Variants in RIMS2 observed in about 807,000 individuals in gnomAD.
RIMS2 encodes the protein regulating synaptic membrane exocytosis protein 2.
In RIMS2, 59 loss-of-function variants were observed where a neutral mutation model predicts 174.4. The ratio of observed to expected loss-of-function variants is 0.34; its 90% CI spans 0.27 to 0.42. The LOEUF (loss-of-function observed/expected upper bound fraction) is 0.42, where lower values mean the gene tolerates loss of function less well. Ranked by LOEUF, RIMS2 falls within the 10% of genes least tolerant of loss-of-function variation. The pLI is 1.00. For synonymous variants in RIMS2, 606 were observed against 572.5 expected (o/e 1.06, Z -0.84); for missense variants, 1,620 against 1,666.3 (o/e 0.97, Z 0.48).
rs186969419 is a variant in RIMS2 at position 104,145,404 on chromosome 8, G to A, written c.3335-99512G>A. Among the ~76,000 whole-genome samples, 494 of 151,810 alleles carry A rather than the reference G, an allele frequency of 3.3e-3. 4 individuals are homozygous for A. The highest frequency in any genetic ancestry group is 0.011 in the African/African-American group (454 of 41,398). ...TACTAATGTAATACGTCTTTTCCTA[G>A]CCACATTGAGCATTTTAAAATATTG... On this transcript the variant is annotated intron_variant, in intron 19 of 23. Coordinates refer to ENST00000504942, the Ensembl canonical transcript of RIMS2.
At chr8:103,931,447 T>C (rs2079913399) in intron 12 of RIMS2, 54 bp downstream of exon 14, 1 of 1,234,168 alleles carries the variant, frequency 8.1e-7, no homozygotes, top group Non-Finnish European at 1.1e-6. Flanking sequence ...AAAATGTTCA[T>C]AGCAATGGGT....
At chr8:104,241,011 C>A (rs2139831928) in intron 19 of RIMS2, among the ~76,000 whole-genome samples, 1 of 152,178 alleles carries the variant, frequency 6.6e-6, no homozygotes, top group South Asian at 2.1e-4. Context: ...GTAACTTGCT[C>A]AGTGTCATCC....
intron 3 of RIMS2, among the ~76,000 whole-genome samples, chr8:103,795,161 A>T (rs1412971301): frequency 6.6e-6 from 1 of 152,226 alleles, no homozygotes; most frequent in Non-Finnish European, 1.5e-5. Context: ...CACTATTCAC[A>T]ATAGCAAAGA....
intron 19 of RIMS2, among the ~76,000 whole-genome samples, chr8:104,106,925 G>A (rs1036182951): frequency 2.0e-5 from 3 of 152,008 alleles, no homozygotes; most frequent in African/African-American, 7.3e-5. Flanking sequence ...ATTGTTAGAT[G>A]CCATAACATC....
chr8:104,188,031 C>A (rs1046589437), intron 19 of RIMS2, among the ~76,000 whole-genome samples: 6 of 151,616 alleles, frequency 4.0e-5, no homozygotes, highest in Non-Finnish European at 8.9e-5. Flanking sequence ...GCAGATATAA[C>A]ATAGGAGATG....
intron 19 of RIMS2, among the ~76,000 whole-genome samples, chr8:104,146,319 C>T (rs1266047198): frequency 1.3e-5 from 2 of 151,340 alleles, no homozygotes; most frequent in Non-Finnish European, 2.9e-5. Context: ...TTCGAGGTTA[C>T]GATGAGCTAT....
intron 1 of RIMS2, among the ~76,000 whole-genome samples, chr8:103,643,269 TAG>T (rs1360640399): frequency 2.6e-5 from 4 of 152,118 alleles, no homozygotes; most frequent in South Asian, 4.1e-4. Flanking sequence ...GATTCACTCG[TAG>T]AGTTTCCCTC....
intron 19 of RIMS2, chr8:104,148,719 C>A: frequency 3.8e-6 from 6 of 1,598,346 alleles, no homozygotes; most frequent in Non-Finnish European, 5.1e-6. Context: ...TGATGGCAGC[C>A]AGTCTGACAC....
chr8:103,768,733 G>C (rs1035670626), intron 3 of RIMS2: 2 of 765,374 alleles, frequency 2.6e-6, no homozygotes, highest in Non-Finnish European at 4.9e-6. Context: ...TAAAGAAGAT[G>C]ATGTCCACCA....
intron 19 of RIMS2, among the ~76,000 whole-genome samples, chr8:104,098,386 A>G (rs2097798069): frequency 6.6e-6 from 1 of 152,166 alleles, no homozygotes; most frequent in South Asian, 2.1e-4. Context: ...CAACAAATTC[A>G]TAAGAATATT....
chr8:103,669,726 T>TC (rs1350063434), intron 1 of RIMS2, among the ~76,000 whole-genome samples: 1 of 152,254 alleles, frequency 6.6e-6, no homozygotes, highest in Non-Finnish European at 1.5e-5. Flanking sequence ...CACATCCAGG[T>TC]CACACTGATG....
chr8:103,718,791 C>A (rs927069962), intron 2 of RIMS2, among the ~76,000 whole-genome samples: 19 of 152,024 alleles, frequency 1.2e-4, no homozygotes, highest in African/African-American at 4.6e-4. Context: ...CCTCAGCCTC[C>A]CAAGTGGCTG....
At chr8:103,886,008 A>T (rs1423303706) in exon 4 of RIMS2, 1 of 1,613,120 alleles carries the variant, frequency 6.2e-7, no homozygotes, top group South Asian at 1.1e-5. Flanking sequence ...AGAAAAACAA[A>T]ACGGGAAAAA....
At chr8:104,072,232 TTAAG>T (rs1291001253) in intron 19 of RIMS2, among the ~76,000 whole-genome samples, 3 of 152,202 alleles carry the variant, frequency 2.0e-5, no homozygotes, top group Non-Finnish European at 4.4e-5. Context: ...CATATATATA[TTAAG>T]TTACATTAAT....
rs139992593 is a variant in RIMS2, at chr8:103,553,399, C to A, written c.176+52337C>A. Among the ~76,000 whole-genome samples the A allele has an allele frequency of 4.2e-3, 644 of 151,530 alleles. 4 individuals carry two copies. The highest frequency in any genetic ancestry group is 0.015 in the African/African-American group (613 of 41,334). ...CTCATAGGTGGGAATTTAACAATGA[C>A]AACACTTGGACACAGGGTGGGGAAT... On this transcript the variant is annotated intron_variant, in intron 1 of 23. Coordinates refer to ENST00000504942, the Ensembl canonical transcript of RIMS2.
At chr8:103,863,887 GT>G (rs61377008) in intron 3 of RIMS2, among the ~76,000 whole-genome samples, 36,969 of 135,874 alleles carry the variant, frequency 0.27, 4,992 homozygotes, top group African/African-American at 0.39. Context: ...AAAGAACCAA[GT>G]TTTTTTTTTT....
At chr8:103,580,374 G>C (rs2093533475) in intron 1 of RIMS2, among the ~76,000 whole-genome samples, 1 of 151,478 alleles carries the variant, frequency 6.6e-6, no homozygotes, top group Admixed American at 6.6e-5. Flanking sequence ...CCAAAATCAA[G>C]CAGAAGTAGC....
At chr8:103,825,125 A>G (rs2098780614) in intron 3 of RIMS2, among the ~76,000 whole-genome samples, 1 of 152,102 alleles carries the variant, frequency 6.6e-6, no homozygotes, top group Non-Finnish European at 1.5e-5. Context: ...TTCCCAGTCA[A>G]TACCCACTCC....
At chr8:104,106,471 T>C (rs1159041298) in intron 19 of RIMS2, among the ~76,000 whole-genome samples, 1 of 147,326 alleles carries the variant, frequency 6.8e-6, no homozygotes, top group Non-Finnish European at 1.5e-5. Flanking sequence ...CAACTTTTGT[T>C]TTATGGCATT....
Sources: allele counts gnomAD v4.1 joint callset (sites outside exome capture counted in the v4.1 genomes callset), GRCh38; gene constraint gnomAD v4.1.1; transcripts MANE v1.5; gene names NCBI Gene and HGNC (gene_info 2026-07-23, HGNC 2026-07-21).